NELL1: variants seen among roughly 807,000 people sequenced by gnomAD.
The protein encoded by NELL1 is protein kinase C-binding protein NELL1.
Under a neutral mutation model 107.4 loss-of-function variants are expected in NELL1, and 76 were observed. That is an observed-to-expected ratio of 0.71 (90% confidence interval 0.59 to 0.86). The LOEUF (loss-of-function observed/expected upper bound fraction) is 0.86. NELL1 is among the 40% of genes least tolerant of loss of function. NELL1 has a pLI of 0.00. For synonymous variants in NELL1, 353 were observed against 341.2 expected, an observed-to-expected ratio of 1.03 and a Z score of -0.38; for missense variants, 1,024 against 1,005.5, an observed-to-expected ratio of 1.02 and a Z score of -0.25.
chr11:21,265,993 C>A (rs1848626126), intron 14 of NELL1, among the ~76,000 whole-genome samples: 1 of 151,954 alleles, frequency 6.6e-6, no homozygotes, highest in Non-Finnish European at 1.5e-5. Context: ...ACCCCACAGA[C>A]CTTTCAGTTT....
chr11:20,778,078 C>T (rs1436534541), intron 2 of NELL1, among the ~76,000 whole-genome samples: 2 of 152,176 alleles, frequency 1.3e-5, no homozygotes, highest in African/African-American at 2.4e-5. Context: ...CACAGCCATA[C>T]GATGCTGCTG....
intron 4 of NELL1, among the ~76,000 whole-genome samples, chr11:20,863,880 C>A (rs1007730314): frequency 6.6e-6 from 1 of 152,158 alleles, no homozygotes; most frequent in African/African-American, 2.4e-5. Flanking sequence ...CGGAAGCTGG[C>A]GGATCACTCG....
intron 14 of NELL1, among the ~76,000 whole-genome samples, chr11:21,244,764 G>A (rs941996293): frequency 6.6e-6 from 1 of 152,100 alleles, no homozygotes; most frequent in African/African-American, 2.4e-5. Context: ...GAGATTGTCC[G>A]TGTTCTACCT....
At chr11:21,458,732 C>CTT (rs1853816042) in intron 15 of NELL1, among the ~76,000 whole-genome samples, 1 of 152,070 alleles carries the variant, frequency 6.6e-6, no homozygotes, top group African/African-American at 2.4e-5. Flanking sequence ...TCAGCCTTGA[C>CTT]TTAAGGGTTC....
At chr11:21,170,671 TTATATATATACTGTAG>T (rs1856585800) in intron 13 of NELL1, among the ~76,000 whole-genome samples, 1 of 139,708 alleles carries the variant, frequency 7.2e-6, no homozygotes, top group Non-Finnish European at 1.5e-5. Context: ...ATATACTGTA[TTATATATATACTGTAG>T]TTTATATATA....
chr11:21,012,345 C>G (rs1852466155), intron 12 of NELL1, among the ~76,000 whole-genome samples: 2 of 152,230 alleles, frequency 1.3e-5, no homozygotes, highest in Admixed American at 6.6e-5. Flanking sequence ...CAAGACCACA[C>G]AGTTTTCTTC....
At position 20,844,615 on chromosome 11, in the gene NELL1, G is replaced by A. The variant is rs1848673075; in HGVS notation, c.336-2968G>A. Among the ~76,000 whole-genome samples the A allele has an allele frequency of 2.0e-5, 3 of 152,036 alleles. No individual in the cohort carries two copies. In the South Asian group the frequency reaches 6.2e-4, roughly 32 times the overall value. On this transcript the variant is annotated intron_variant, in intron 3 of 19. Transcript: ENST00000357134. ...ACTTCCAGTGTCCTCCTTCTACCTG[G>A]CAGCGCCACGTGGCTCCTATTCACT...
intron 15 of NELL1, among the ~76,000 whole-genome samples, chr11:21,394,491 C>T (rs1851942206): frequency 6.6e-6 from 1 of 151,288 alleles, no homozygotes; most frequent in African/African-American, 2.4e-5. Flanking sequence ...GTTCTAGGGG[C>T]TTGTCCAAGA....
At chr11:20,716,946 ACT>A (rs904919757) in intron 2 of NELL1, among the ~76,000 whole-genome samples, 4 of 152,128 alleles carry the variant, frequency 2.6e-5, no homozygotes, top group South Asian at 2.1e-4. Context: ...TTATCATTTC[ACT>A]CTCCATTTTT....
chr11:21,263,084 T>A (rs1332228901), intron 14 of NELL1, among the ~76,000 whole-genome samples: 1 of 151,916 alleles, frequency 6.6e-6, no homozygotes, highest in African/African-American at 2.4e-5. Flanking sequence ...ATACTCTGTT[T>A]CATGAACATG....
intron 2 of NELL1, among the ~76,000 whole-genome samples, chr11:20,754,621 T>C (rs760391286): frequency 1.3e-5 from 2 of 152,256 alleles, no homozygotes; most frequent in Non-Finnish European, 2.9e-5. Flanking sequence ...ATATATTAAC[T>C]GTGATCTATT....
At chr11:21,230,958 G>T (rs538343204) in intron 14 of NELL1, among the ~76,000 whole-genome samples, 1 of 152,026 alleles carries the variant, frequency 6.6e-6, no homozygotes, top group Admixed American at 6.5e-5. Flanking sequence ...TTTTTTTGCA[G>T]CACTGTTTAT....
chr11:20,859,234 T>A (rs1848935034), intron 4 of NELL1, among the ~76,000 whole-genome samples: 1 of 152,184 alleles, frequency 6.6e-6, no homozygotes, highest in African/African-American at 2.4e-5. Context: ...AGACTTGGGG[T>A]TCCACGGACA....
intron 2 of NELL1, among the ~76,000 whole-genome samples, chr11:20,731,649 A>G (rs1855647026): frequency 6.6e-6 from 1 of 152,218 alleles, no homozygotes; most frequent in Non-Finnish European, 1.5e-5. Flanking sequence ...TTCCAGACTT[A>G]CAATTCACAA....
chr11:21,099,352 G>A (rs1362246786), intron 12 of NELL1, among the ~76,000 whole-genome samples: 1 of 152,052 alleles, frequency 6.6e-6, no homozygotes, highest in African/African-American at 2.4e-5. Flanking sequence ...CAGCAGCCCT[G>A]GGGTTGTCAG....
chr11:20,965,272 T>C (rs1289191914), intron 12 of NELL1, among the ~76,000 whole-genome samples: 2 of 152,226 alleles, frequency 1.3e-5, no homozygotes, highest in African/African-American at 2.4e-5. Flanking sequence ...ATTAAGATGA[T>C]AATGAAACAG....
intron 2 of NELL1, among the ~76,000 whole-genome samples, chr11:20,747,433 G>A (rs1018041656): frequency 1.2e-4 from 19 of 152,178 alleles, no homozygotes; most frequent in African/African-American, 4.6e-4. Flanking sequence ...AGAAGGAACT[G>A]AGATGGAATT....
At chr11:21,414,532 TCTCC>T (rs71034519) in intron 15 of NELL1, among the ~76,000 whole-genome samples, 72,332 of 151,480 alleles carry the variant, frequency 0.48, 17,272 homozygotes, top group East Asian at 0.57. Context: ...GCAAATGGAC[TCTCC>T]CTCCGGTGTA....
chr11:20,827,701 A>C (rs1389465928), intron 3 of NELL1, among the ~76,000 whole-genome samples: 1 of 151,372 alleles, frequency 6.6e-6, no homozygotes, highest in Non-Finnish European at 1.5e-5. Context: ...GCATATGGCC[A>C]CACCTAGTAT....
Sources: gnomAD v4.1 joint callset for allele counts (sites outside exome capture counted in the v4.1 genomes callset) on GRCh38, gnomAD v4.1.1 for gene constraint, MANE v1.5 for transcripts, NCBI Gene and HGNC (gene_info 2026-07-23, HGNC 2026-07-21) for gene names.